Variants in KCNK2 observed in about 807,000 individuals in gnomAD.
KCNK2 encodes the protein potassium channel subfamily K member 2.
A neutral mutation model predicts 40.5 loss-of-function variants in KCNK2; 21 were observed. The ratio of observed to expected loss-of-function variants is 0.52; its 90% CI spans 0.37 to 0.75. The LOEUF (loss-of-function observed/expected upper bound fraction) is 0.75, where lower values mean the gene tolerates loss of function less well. Among genes scored for constraint, KCNK2 ranks in the 30% least tolerant of loss-of-function variants. The pLI is 0.00. For synonymous variants in KCNK2, 191 were observed against 202.2 expected (o/e 0.94, Z 0.47); for missense variants, 399 against 531.6 (o/e 0.75, Z 2.45).
chr1:215,158,292 C>T (rs1415878312), intron 3 of KCNK2, among the ~76,000 whole-genome samples: 1 of 152,090 alleles, frequency 6.6e-6, no homozygotes, highest in Non-Finnish European at 1.5e-5. Context: ...GATTGGCTAT[C>T]CTAACATCTA....
At chr1:215,098,991 T>A (rs770482841) in intron 2 of KCNK2, among the ~76,000 whole-genome samples, 2 of 152,006 alleles carry the variant, frequency 1.3e-5, no homozygotes, top group Non-Finnish European at 2.9e-5. Flanking sequence ...CTTTTATGGA[T>A]AAATTATATG....
At chr1:215,202,192 C>A (rs1665107858) in intron 6 of KCNK2, among the ~76,000 whole-genome samples, 1 of 152,198 alleles carries the variant, frequency 6.6e-6, no homozygotes, top group African/African-American at 2.4e-5. Context: ...GGAAGCGTCA[C>A]AATGGGCTGT....
chr1:215,190,200 T>C (rs1476832118), intron 5 of KCNK2, among the ~76,000 whole-genome samples: 3 of 152,142 alleles, frequency 2.0e-5, no homozygotes, highest in African/African-American at 7.2e-5. Flanking sequence ...GCCCAAGTTC[T>C]TTAGCATCGA....
At chr1:215,204,974 A>G (rs1665248925) in intron 6 of KCNK2, among the ~76,000 whole-genome samples, 1 of 152,078 alleles carries the variant, frequency 6.6e-6, no homozygotes, top group Non-Finnish European at 1.5e-5. Context: ...GCTTCTAATA[A>G]ACGACTCACA....
chr1:215,018,768 A>C (rs1002782455), intron 1 of KCNK2, among the ~76,000 whole-genome samples: 1 of 152,128 alleles, frequency 6.6e-6, no homozygotes, highest in African/African-American at 2.4e-5. Context: ...TTGGTCTTTC[A>C]ATTCTAAACA....
intron 1 of KCNK2, among the ~76,000 whole-genome samples, chr1:215,056,222 C>T (rs1348368782): frequency 1.3e-5 from 2 of 150,234 alleles, no homozygotes; most frequent in Non-Finnish European, 1.5e-5. Flanking sequence ...GCAGGAGAGT[C>T]GCTTGAACCC....
chr1:215,102,444 T>C (rs1660262057), intron 2 of KCNK2, among the ~76,000 whole-genome samples: 1 of 152,144 alleles, frequency 6.6e-6, no homozygotes, highest in South Asian at 2.1e-4. Context: ...ACCTAAGTTA[T>C]TACAAAAGAG....
rs1233412691 is a variant in KCNK2 at position 215,209,253 on chromosome 1, T to TTTTTATATATAAAATATATATAAATATA, written c.963+14161_963+14162insTTTTATATATAAAATATATATAAATATA. Among the ~76,000 whole-genome samples, 828 of 121,902 alleles carry TTTTTATATATAAAATATATATAAATATA rather than the reference T, an allele frequency of 6.8e-3. 22 individuals are homozygous for TTTTTATATATAAAATATATATAAATATA. Among genetic ancestry groups the TTTTTATATATAAAATATATATAAATATA allele is most frequent in the African/African-American group, 0.026 (771 of 29,496 alleles). 80.0% of individuals were successfully genotyped at this position (121,902 alleles called of 152,430 possible). A position where few individuals can be genotyped will look rare whatever the true frequency, so the allele number is the denominator to read the frequency against. ...TAAAATATATATAAATATACACATATCTTATATATAAAATATATAAATATA... is the reference window on the plus strand; with the variant it reads ...TAAAATATATATAAATATACACATATTTTTATATATAAAATATATATAAATATACTTATATATAAAATATATAAATATA... On this transcript the variant is annotated intron_variant, in intron 6 of 6. Coordinates refer to ENST00000444842, the MANE Select transcript of KCNK2 (RefSeq NM_001017425.3).
intron 1 of KCNK2, among the ~76,000 whole-genome samples, chr1:215,060,909 T>C (rs1658340812): frequency 1.3e-5 from 2 of 152,190 alleles, no homozygotes; most frequent in Non-Finnish European, 2.9e-5. Context: ...ATTATTTATA[T>C]ATTTTTAAAA....
At chr1:215,141,898 T>C (rs1662190359) in intron 3 of KCNK2, among the ~76,000 whole-genome samples, 1 of 152,140 alleles carries the variant, frequency 6.6e-6, no homozygotes, top group Non-Finnish European at 1.5e-5. Context: ...TCAGCTATTC[T>C]ATGCTGATGG....
intron 6 of KCNK2, among the ~76,000 whole-genome samples, chr1:215,232,551 T>C (rs1666711527): frequency 2.0e-5 from 3 of 152,214 alleles, no homozygotes; most frequent in South Asian, 2.1e-4. Context: ...CAGGTACTTA[T>C]TGGAAATGTG....
chr1:215,150,756 T>A (rs1035057071), intron 3 of KCNK2, among the ~76,000 whole-genome samples: 1 of 151,992 alleles, frequency 6.6e-6, no homozygotes, highest in Non-Finnish European at 1.5e-5. Flanking sequence ...TCCAATTTTC[T>A]TTATTCAATT....
intron 1 of KCNK2, among the ~76,000 whole-genome samples, chr1:215,007,093 A>ATG (rs1558054029): frequency 4.5e-4 from 56 of 125,494 alleles, no homozygotes; most frequent in African/African-American, 1.6e-3. Context: ...GTGTGTATAT[A>ATG]TATATGTATA....
intron 3 of KCNK2, among the ~76,000 whole-genome samples, chr1:215,138,751 G>A (rs1424343012): frequency 6.6e-6 from 1 of 152,168 alleles, no homozygotes; most frequent in East Asian, 1.9e-4. Flanking sequence ...CTCTTGATGT[G>A]GATGATGAGA....
At chr1:215,069,202 C>T (rs892702930) in intron 1 of KCNK2, among the ~76,000 whole-genome samples, 2 of 152,168 alleles carry the variant, frequency 1.3e-5, no homozygotes, top group Non-Finnish European at 2.9e-5. Context: ...CCCCTACTGT[C>T]TCCCTTTCTA....
chr1:215,014,431 A>C (rs558910555), intron 1 of KCNK2, among the ~76,000 whole-genome samples: 1 of 151,782 alleles, frequency 6.6e-6, no homozygotes, highest in Admixed American at 6.6e-5. Context: ...CAAAAATGTC[A>C]AAAATTCTCA....
rs145045839 is a variant in KCNK2, at chr1:215,022,136, T to TATCTATCTATCTATCTAATC, written c.34+16190_34+16191insTCTATCTAATCATCTATCTA. 3.2e-3 allele frequency among the ~76,000 whole-genome samples: 489 copies of TATCTATCTATCTATCTAATC among 151,158 alleles called. 3 individuals are homozygous for TATCTATCTATCTATCTAATC. The highest frequency in any genetic ancestry group is 0.013 in the South Asian group (61 of 4,764). On this transcript the variant is annotated intron_variant, in intron 1 of 6. Transcript: ENST00000391895. ...CTATCTATCTATCTATCTAATCATC[T>TATCTATCTATCTATCTAATC]ATCTATCTAATCCATCTATCTATCC...
chr1:215,223,890 A>G (rs1268680561), intron 6 of KCNK2, among the ~76,000 whole-genome samples: 1 of 152,168 alleles, frequency 6.6e-6, no homozygotes, highest in Admixed American at 6.5e-5. Context: ...TAAAAAAAAA[A>G]CTGAAGCAGA....
chr1:215,052,060 G>T (rs1057490629), intron 1 of KCNK2, among the ~76,000 whole-genome samples: 5 of 152,168 alleles, frequency 3.3e-5, no homozygotes, highest in African/African-American at 1.2e-4. Context: ...ATATTGCAGT[G>T]AATAATATGG....
Sources: allele counts gnomAD v4.1 joint callset (sites outside exome capture counted in the v4.1 genomes callset), GRCh38; gene constraint gnomAD v4.1.1; transcripts MANE v1.5; gene names NCBI Gene and HGNC (gene_info 2026-07-23, HGNC 2026-07-21).